INTS7: variants seen among roughly 807,000 people sequenced by gnomAD.
The protein encoded by INTS7 is chromosome 1 open reading frame 73.
A neutral mutation model predicts 109.2 loss-of-function variants in INTS7; 46 were observed. The observed-to-expected ratio is 0.42, with a 90% confidence interval of 0.33 to 0.54. The LOEUF is 0.54. Ranked by LOEUF, INTS7 falls within the 20% of genes least tolerant of loss-of-function variation. The pLI, the probability that INTS7 is intolerant of heterozygous loss-of-function variation, is 0.07. For missense variants in INTS7, 929 were observed against 1,132.4 expected, an observed-to-expected ratio of 0.82 and a Z score of 2.58; for synonymous variants, 412 against 402.9, an observed-to-expected ratio of 1.02 and a Z score of -0.27.
chr1:212,011,628 A>G, intron 4 of INTS7: 1 of 549,820 alleles, frequency 1.8e-6, no homozygotes, highest in Non-Finnish European at 3.3e-6. Flanking sequence ...CTATGCCAAC[A>G]CTGCTCTAAA....
chr1:211,968,116 CCATT>C (rs1663991596), intron 14 of INTS7, 135 bp from the exon 15 acceptor site: 2 of 534,778 alleles, frequency 3.7e-6, no homozygotes, highest in Middle Eastern at 4.7e-4. Flanking sequence ...CACTGTCATT[CCATT>C]CATTTTCATA....
chr1:211,949,040 T>C (rs1306329913), intron 17 of INTS7, among the ~76,000 whole-genome samples: 1 of 152,240 alleles, frequency 6.6e-6, no homozygotes, highest in Non-Finnish European at 1.5e-5. Context: ...TGGATACTTT[T>C]CAGTCTTTGT....
At chr1:211,976,912 C>T (rs1308991739) in intron 11 of INTS7, among the ~76,000 whole-genome samples, 193 bp from the exon 12 acceptor site, 2 of 152,044 alleles carry the variant, frequency 1.3e-5, no homozygotes, top group African/African-American at 2.4e-5. Flanking sequence ...CTCTTTATAA[C>T]AGCAAAGAAG....
At chr1:211,974,545 T>C (rs565828801) in intron 13 of INTS7, among the ~76,000 whole-genome samples, 20 of 152,120 alleles carry the variant, frequency 1.3e-4, no homozygotes, top group African/African-American at 4.8e-4. Flanking sequence ...TATAACTTCT[T>C]TACTTTTAAA....
Position 211,942,130 on chromosome 1 carries a change from T to A in INTS7, c.2602-19A>T. 1.2e-6 allele frequency: 2 copies of A among 1,608,572 alleles called. No individual in the cohort carries two copies. Among genetic ancestry groups the A allele is most frequent in the Non-Finnish European group, 1.7e-6 (2 of 1,176,412 alleles). On this transcript the variant is annotated intron_variant, in intron 19 of 19. Transcript: ENST00000366994. This position sits in a 1 kb window ranked among gnomAD's most constrained non-coding sequence, Gnocchi z 4.2. ...TGGGTATCTGCAATGAAACAATTGT[T>A]AACTAACAACAATGGCTAACATTTC...
intron 17 of INTS7, among the ~76,000 whole-genome samples, chr1:211,947,573 G>A (rs1212629645): frequency 6.6e-6 from 1 of 152,054 alleles, no homozygotes; most frequent in Non-Finnish European, 1.5e-5. Context: ...CACTAGCTGC[G>A]GGAGGTCTGT....
At chr1:212,010,534 C>T (rs1419143223) in intron 5 of INTS7, among the ~76,000 whole-genome samples, 1 of 152,152 alleles carries the variant, frequency 6.6e-6, no homozygotes, top group Non-Finnish European at 1.5e-5. Flanking sequence ...GCAGTCTTCC[C>T]TACACTAATC....
chr1:211,960,736 AAG>A (rs1182205666), intron 16 of INTS7, among the ~76,000 whole-genome samples: 1 of 152,218 alleles, frequency 6.6e-6, no homozygotes, highest in African/African-American at 2.4e-5. Flanking sequence ...CTTTCTGAAT[AAG>A]AGAGTAAGAC....
At chr1:211,952,999 A>G (rs1663174585) in intron 16 of INTS7, among the ~76,000 whole-genome samples, 1 of 152,228 alleles carries the variant, frequency 6.6e-6, no homozygotes, top group African/African-American at 2.4e-5. Flanking sequence ...AGACATAAAC[A>G]CATCTGAAAA....
At chr1:212,014,290 C>T (rs1666299738) in intron 4 of INTS7, among the ~76,000 whole-genome samples, 1 of 151,826 alleles carries the variant, frequency 6.6e-6, no homozygotes, top group South Asian at 2.1e-4. Context: ...CGTGCTGAAA[C>T]CCCATCTTTA....
intron 13 of INTS7, 59 bp downstream of exon 13, chr1:211,975,107 A>G (rs1664360875): frequency 1.7e-6 from 2 of 1,192,962 alleles, no homozygotes; most frequent in Admixed American, 1.8e-5. Context: ...ATCCAAAAAG[A>G]GAAGGGAGAG....
At chr1:211,993,168 ACTTTCTGT>A (rs1174954948) in intron 7 of INTS7, among the ~76,000 whole-genome samples, 1 of 152,270 alleles carries the variant, frequency 6.6e-6, no homozygotes, top group African/African-American at 2.4e-5. Context: ...ATACCTCAAA[ACTTTCTGT>A]CTCCTTTGCA....
chr1:211,997,714 A>C (rs1248545500), intron 7 of INTS7, among the ~76,000 whole-genome samples: 1 of 151,778 alleles, frequency 6.6e-6, no homozygotes, highest in Non-Finnish European at 1.5e-5. Context: ...CCCCATCTCT[A>C]CTAAAAATAC....
chr1:211,988,429 A>AG (rs200913835), intron 7 of INTS7, among the ~76,000 whole-genome samples: 4,136 of 151,990 alleles, frequency 0.027, 82 homozygotes, highest in Non-Finnish European at 0.04. Flanking sequence ...CTCAAAAAAA[A>AG]AAAAACAAAA....
At chr1:211,954,437 T>A (rs942657671) in intron 16 of INTS7, among the ~76,000 whole-genome samples, 3 of 152,210 alleles carry the variant, frequency 2.0e-5, no homozygotes, top group African/African-American at 7.2e-5. Context: ...TTTGTTGCCA[T>A]TGCTTTTGGT....
intron 7 of INTS7, among the ~76,000 whole-genome samples, chr1:211,997,921 T>C (rs1009495774): frequency 6.6e-6 from 1 of 150,990 alleles, no homozygotes. Flanking sequence ...TGTCAATTCG[T>C]CCCAAATTGA....
rs967083251 is a variant in INTS7, at chr1:212,033,088, T to A, written c.94+2256A>T. Reference sequence around the variant, plus strand: ...GGGGCAGGAGTTTTGTCTCATTAACTGCCATGTTCCTAGTACAAAGCCCGA... The same window carrying A: ...GGGGCAGGAGTTTTGTCTCATTAACAGCCATGTTCCTAGTACAAAGCCCGA... On this transcript the variant is annotated intron_variant, in intron 1 of 19. Transcript: ENST00000366994. Among the ~76,000 whole-genome samples the A allele has an allele frequency of 3.9e-5, 6 of 152,326 alleles. No individual in the cohort carries two copies. The South Asian group carries it at 6.2e-4, about 16-fold the overall frequency.
intron 7 of INTS7, among the ~76,000 whole-genome samples, chr1:212,002,655 C>A (rs1304731693): frequency 6.6e-6 from 1 of 152,234 alleles, no homozygotes; most frequent in Non-Finnish European, 1.5e-5. Flanking sequence ...TAGGTCTTTG[C>A]ACAAATGTCA....
chr1:212,010,554 A>AT (rs1374216749), intron 5 of INTS7, among the ~76,000 whole-genome samples: 1 of 152,146 alleles, frequency 6.6e-6, no homozygotes, highest in East Asian at 1.9e-4. Flanking sequence ...CATGCCCCCC[A>AT]TAAGTATGCT....
Sources: allele counts gnomAD v4.1 joint callset (sites outside exome capture counted in the v4.1 genomes callset), GRCh38; gene constraint gnomAD v4.1.1; non-coding constraint Gnocchi (gnomAD v3.1); transcripts MANE v1.5; gene names NCBI Gene and HGNC (gene_info 2026-07-23, HGNC 2026-07-21).